EXOC4: variants seen among roughly 807,000 people sequenced by gnomAD.
EXOC4 encodes exocyst complex component 4.
EXOC4 carries 71 observed loss-of-function variants against 107.2 expected under a neutral mutation model. The ratio of observed to expected loss-of-function variants is 0.66; its 90% CI spans 0.55 to 0.81. The LOEUF is 0.81. EXOC4 is among the 30% of genes least tolerant of loss of function. The pLI, the probability that EXOC4 is intolerant of heterozygous loss-of-function variation, is 0.00. For synonymous variants in EXOC4, 456 were observed against 441.2 expected (o/e 1.03, Z -0.42); for missense variants, 1,108 against 1,189.6 (o/e 0.93, Z 1.01).
intron 17 of EXOC4, among the ~76,000 whole-genome samples, chr7:134,031,430 G>A (rs149513727): frequency 2.6e-5 from 4 of 152,224 alleles, no homozygotes; most frequent in East Asian, 1.9e-4. Context: ...AAAGACAGAC[G>A]CAAGGTTTAT....
intron 10 of EXOC4, among the ~76,000 whole-genome samples, chr7:133,750,907 AC>A (rs1313150394): frequency 7.2e-5 from 11 of 152,184 alleles, no homozygotes; most frequent in Non-Finnish European, 1.5e-4. Context: ...GGGAAAACTT[AC>A]AAAGACCCAT....
intron 14 of EXOC4, among the ~76,000 whole-genome samples, chr7:133,959,339 G>GTA (rs1800887751): frequency 6.6e-6 from 1 of 151,894 alleles, no homozygotes; most frequent in South Asian, 2.1e-4. Context: ...AACAAGAGTA[G>GTA]TATAGTATAT....
chr7:133,922,605 G>A (rs915678157), intron 13 of EXOC4, among the ~76,000 whole-genome samples: 1 of 152,070 alleles, frequency 6.6e-6, no homozygotes, highest in Admixed American at 6.6e-5. Context: ...CCAGCACTTT[G>A]GGAGAACTGA....
chr7:133,682,278 G>A (rs190277702), intron 10 of EXOC4, among the ~76,000 whole-genome samples: 5 of 152,132 alleles, frequency 3.3e-5, no homozygotes, highest in African/African-American at 7.2e-5. Context: ...GTAAATTTTT[G>A]TATTTTTAAA....
chr7:133,887,859 C>T (rs1413600560), intron 11 of EXOC4, among the ~76,000 whole-genome samples: 1 of 152,118 alleles, frequency 6.6e-6, no homozygotes, highest in Non-Finnish European at 1.5e-5. Flanking sequence ...ATTTTAAATT[C>T]TTCTTAGCGT....
the EXOC4 span, among the ~76,000 whole-genome samples, chr7:134,071,594 C>A: frequency 3.3e-5 from 5 of 152,172 alleles, no homozygotes; most frequent in African/African-American, 1.2e-4. Context: ...AGCACTCCTA[C>A]AAGTCTTTAG....
At chr7:133,803,718 A>G (rs1485723627) in intron 10 of EXOC4, among the ~76,000 whole-genome samples, 5 of 152,188 alleles carry the variant, frequency 3.3e-5, no homozygotes, top group South Asian at 2.1e-4. Flanking sequence ...GTAATAATCT[A>G]TACTTTTCTA....
At chr7:133,953,748 G>A (rs1800748475) in intron 14 of EXOC4, among the ~76,000 whole-genome samples, 1 of 152,152 alleles carries the variant, frequency 6.6e-6, no homozygotes, top group African/African-American at 2.4e-5. Flanking sequence ...TAAGCTTACT[G>A]TCTTGTTCTC....
chr7:133,793,988 T>C (rs1796760367), intron 10 of EXOC4, among the ~76,000 whole-genome samples: 1 of 152,212 alleles, frequency 6.6e-6, no homozygotes, highest in Non-Finnish European at 1.5e-5. Context: ...AGCCTTACAT[T>C]ACCCTTCTAA....
the EXOC4 span, among the ~76,000 whole-genome samples, chr7:134,088,098 T>G: frequency 2.6e-5 from 4 of 152,158 alleles, no homozygotes; most frequent in Non-Finnish European, 5.9e-5. Context: ...GAAAGTGACA[T>G]TCTTTACTTA....
chr7:133,458,262 G>A (rs2150819980), intron 7 of EXOC4, among the ~76,000 whole-genome samples: 1 of 152,298 alleles, frequency 6.6e-6, no homozygotes, highest in Admixed American at 6.5e-5. Context: ...CCTGACTCTG[G>A]GGGTTGGGAT....
chr7:133,898,076 C>A (rs1563049012), intron 12 of EXOC4, among the ~76,000 whole-genome samples: 2 of 144,440 alleles, frequency 1.4e-5, no homozygotes. Flanking sequence ...AAGTTCAACT[C>A]TTTTAGAGTC....
chr7:133,418,399 G>A (rs979511370), intron 7 of EXOC4, among the ~76,000 whole-genome samples: 34 of 152,292 alleles, frequency 2.2e-4, no homozygotes, highest in African/African-American at 7.7e-4. Flanking sequence ...GAATAATCAG[G>A]CTCAGAGTTA....
chr7:133,683,327 C>G lies in EXOC4; in HGVS notation c.1514+53186C>G, dbSNP rs558107497. On this transcript the variant is annotated intron_variant, in intron 10 of 17. Transcript: ENST00000253861. The stretch of plus-strand genomic sequence containing the variant: ...TGCTTGGGCCATAATTGAGCAGTAT[C>G]AAGTTTGCAGTTTATTCTACGTCTG... Among the ~76,000 whole-genome samples, 4 of 152,250 alleles carry G rather than the reference C, an allele frequency of 2.6e-5. No homozygotes were observed. The South Asian group carries it at 8.3e-4, about 32-fold the overall frequency.
At chr7:133,672,130 G>T (rs1464528714) in intron 10 of EXOC4, among the ~76,000 whole-genome samples, 3 of 151,954 alleles carry the variant, frequency 2.0e-5, no homozygotes, top group African/African-American at 7.3e-5. Context: ...GGTGGCTCAC[G>T]CCTGTAATCC....
chr7:133,845,387 ATAAT>A (rs1677929350), intron 11 of EXOC4, among the ~76,000 whole-genome samples: 1 of 147,052 alleles, frequency 6.8e-6, no homozygotes, highest in Non-Finnish European at 1.5e-5. Context: ...AATATTATAT[ATAAT>A]ATACATATTA....
At chr7:133,903,274 A>C (rs1368346307) in intron 12 of EXOC4, among the ~76,000 whole-genome samples, 1 of 152,254 alleles carries the variant, frequency 6.6e-6, no homozygotes, top group Non-Finnish European at 1.5e-5. Flanking sequence ...GCGTAGGAGC[A>C]GCATGATCTT....
At chr7:133,380,824 A>G (rs1011615458) in intron 7 of EXOC4, among the ~76,000 whole-genome samples, 1 of 152,208 alleles carries the variant, frequency 6.6e-6, no homozygotes, top group Non-Finnish European at 1.5e-5. Context: ...GAGAAAGAAC[A>G]TAGAACTGAA....
At chr7:133,902,003 A>G (rs565653225) in intron 12 of EXOC4, among the ~76,000 whole-genome samples, 2 of 152,150 alleles carry the variant, frequency 1.3e-5, no homozygotes, top group South Asian at 4.2e-4. Flanking sequence ...CAAATTTACC[A>G]CCGCCCCAGT....
Sources: allele counts gnomAD v4.1 joint callset (sites outside exome capture counted in the v4.1 genomes callset), GRCh38; gene constraint gnomAD v4.1.1; transcripts MANE v1.5; gene names NCBI Gene and HGNC (gene_info 2026-07-23, HGNC 2026-07-21).